Variants in MAX observed in about 807,000 individuals in gnomAD.
MAX encodes the protein protein max.
Under a neutral mutation model 22.3 loss-of-function variants are expected in MAX, and 3 were observed. That is an observed-to-expected ratio of 0.13 (90% CI 0.06 to 0.35). The LOEUF (loss-of-function observed/expected upper bound fraction) is 0.35, where lower values mean the gene tolerates loss of function less well. Among genes scored for constraint, MAX ranks in the 10% least tolerant of loss-of-function variants. MAX has a pLI of 1.00. For synonymous variants in MAX, 72 were observed against 77.7 expected (o/e 0.93, Z 0.39); for missense variants, 119 against 209.4 (o/e 0.57, Z 2.66).
At chr14:65,061,408 C>G in intron 3 of MAX, 1 of 1,524,672 alleles carries the variant, frequency 6.6e-7, no homozygotes, top group Non-Finnish European at 8.8e-7. Flanking sequence ...CTACACAAGC[C>G]TTAGCCTCAG....
At chr14:65,056,654 T>C (rs2062743762) in intron 3 of MAX, among the ~76,000 whole-genome samples, 1 of 152,218 alleles carries the variant, frequency 6.6e-6, no homozygotes, top group Non-Finnish European at 1.5e-5. Context: ...TCATATTCTG[T>C]GCTCATTTTC....
At chr14:65,025,115 A>G (rs567483978) in intron 3 of MAX, among the ~76,000 whole-genome samples, 120 of 151,584 alleles carry the variant, frequency 7.9e-4, no homozygotes, top group African/African-American at 2.8e-3. Context: ...GAGAAGCCCA[A>G]CCTCCAGTTC....
In MAX at chr14:65,054,446, C is replaced by A; in HGVS notation, c.171+39262G>T. 1 of 902,626 alleles carries A rather than the reference C, an allele frequency of 1.1e-6. No individual in the cohort carries two copies. The highest frequency in any genetic ancestry group is 1.7e-6 in the Non-Finnish European group (1 of 596,944). 55.9% of individuals were successfully genotyped at this position (902,626 alleles called of 1,614,324 possible). A position where few individuals can be genotyped will look rare whatever the true frequency, so the allele number is the denominator to read the frequency against. ...AAATAACACTGCTGGGAAAACCATG[C>A]CTCCTCTAGCCACATGGAGGATGGG... On this transcript the variant is annotated intron_variant, in intron 3 of 3. Coordinates refer to the MAX transcript ENST00000341653. This position sits in a 1 kb window ranked among gnomAD's most constrained non-coding sequence, Gnocchi z 4.4.
chr14:65,086,277 G>A (rs1045400821), intron 3 of MAX, among the ~76,000 whole-genome samples: 1 of 152,206 alleles, frequency 6.6e-6, no homozygotes, highest in Non-Finnish European at 1.5e-5. Flanking sequence ...GGTACCAGTA[G>A]AGTAGGGCAC....
intron 3 of MAX, among the ~76,000 whole-genome samples, chr14:65,056,044 G>T (rs2062729132): frequency 6.6e-6 from 1 of 152,012 alleles, no homozygotes; most frequent in Admixed American, 6.5e-5. Flanking sequence ...CATGTATCAT[G>T]CCTGTGGATG....
downstream of MAX, among the ~76,000 whole-genome samples, chr14:65,071,812 G>A (rs1260100376): frequency 1.3e-5 from 2 of 152,208 alleles, no homozygotes; most frequent in Non-Finnish European, 2.9e-5. This position sits in a 1 kb window ranked among gnomAD's most constrained non-coding sequence, Gnocchi z 4.2. Flanking sequence ...GGGTGATAAG[G>A]GTTTGCCAGG....
chr14:65,036,172 C>G (rs138852871), intron 3 of MAX, among the ~76,000 whole-genome samples: 3 of 152,138 alleles, frequency 2.0e-5, no homozygotes, highest in Non-Finnish European at 4.4e-5. Flanking sequence ...CAAGTTATTC[C>G]ACTGCTCTGT....
intron 3 of MAX, among the ~76,000 whole-genome samples, chr14:65,066,862 CAAA>C (rs759184338): frequency 1.1e-5 from 1 of 88,852 alleles, no homozygotes; most frequent in African/African-American, 4.6e-5. Context: ...AATTCCATCT[CAAA>C]AAAAAAAAAA....
chr14:65,057,499 GGTTT>G (rs1238895736), intron 3 of MAX, among the ~76,000 whole-genome samples: 2 of 152,050 alleles, frequency 1.3e-5, no homozygotes, highest in African/African-American at 4.8e-5. Context: ...GTCATTCAGG[GGTTT>G]GTTTTTGGGG....
chr14:65,092,554 G>A (rs1469237931), intron 3 of MAX, among the ~76,000 whole-genome samples: 2 of 152,100 alleles, frequency 1.3e-5, no homozygotes, highest in East Asian at 3.9e-4. Context: ...AAGTACCTTG[G>A]TTTAAGGTCA....
intron 3 of MAX, among the ~76,000 whole-genome samples, chr14:65,017,585 G>A (rs2061801443): frequency 6.6e-6 from 1 of 152,200 alleles, no homozygotes; most frequent in Admixed American, 6.5e-5. Flanking sequence ...TAGGAAGAGA[G>A]GAGCCTTTAA....
chr14:65,027,218 A>C lies in MAX; in HGVS notation c.172-20934T>G, dbSNP rs899931285. Reference sequence around the variant, plus strand: ...TTCCCAGCCTTGTGTTCCCTGCTTCATGACCAACAAGCGCTTAAGTACGAA... The same window carrying C: ...TTCCCAGCCTTGTGTTCCCTGCTTCCTGACCAACAAGCGCTTAAGTACGAA... On this transcript the variant is annotated intron_variant, in intron 3 of 3. Transcript: ENST00000341653. This position sits in a 1 kb window ranked among gnomAD's most constrained non-coding sequence, Gnocchi z 5.7. 1.3e-5 allele frequency among the ~76,000 whole-genome samples: 2 copies of C among 152,208 alleles called. No homozygotes were observed. Among genetic ancestry groups the C allele is most frequent in the Non-Finnish European group, 2.9e-5 (2 of 68,028 alleles).
At chr14:65,037,750 T>C (rs1372064717) in intron 3 of MAX, among the ~76,000 whole-genome samples, 1 of 52,340 alleles carries the variant, frequency 1.9e-5, no homozygotes, top group African/African-American at 1.1e-4. Flanking sequence ...TATTATTTAT[T>C]TATTTATTTA....
At chr14:65,063,675 C>T (rs1419306972) in intron 3 of MAX, among the ~76,000 whole-genome samples, 1 of 152,182 alleles carries the variant, frequency 6.6e-6, no homozygotes, top group Non-Finnish European at 1.5e-5. Context: ...GAAGATCTTC[C>T]TGCCTTAGCC....
intron 3 of MAX, among the ~76,000 whole-genome samples, chr14:65,038,245 C>G (rs2062259932): frequency 6.6e-6 from 1 of 151,266 alleles, no homozygotes; most frequent in Non-Finnish European, 1.5e-5. Flanking sequence ...CCAGCCTCTA[C>G]AAAATATACA....
intron 3 of MAX, among the ~76,000 whole-genome samples, chr14:65,019,654 G>T (rs111978694): frequency 6.6e-5 from 10 of 152,206 alleles, no homozygotes; most frequent in African/African-American, 2.4e-4. Flanking sequence ...CTGCTTCACA[G>T]ATGCCTTAAA....
intron 3 of MAX, among the ~76,000 whole-genome samples, chr14:65,091,437 T>C (rs2063506793): frequency 6.6e-6 from 1 of 152,196 alleles, no homozygotes; most frequent in Non-Finnish European, 1.5e-5. Flanking sequence ...AATTCTCAAA[T>C]TGGGGTTTTG....
At chr14:65,049,354 A>T (rs773203048) in intron 3 of MAX, among the ~76,000 whole-genome samples, 1 of 152,170 alleles carries the variant, frequency 6.6e-6, no homozygotes, top group Non-Finnish European at 1.5e-5. Flanking sequence ...GTGTGGAAAG[A>T]CTTTTGATTT....
Position 65,075,616 on chromosome 14 carries a change from T to C in MAX, c.*860A>G, listed in dbSNP as rs998803876. 8.4e-6 allele frequency: 9 copies of C among 1,066,242 alleles called. No homozygotes were observed. In the East Asian group the frequency reaches 3.5e-4, roughly 41 times the overall value. The allele number at this position is 1,066,242 out of a possible 1,614,324, so 66.0% of individuals were successfully genotyped here. A position where few individuals can be genotyped will look rare whatever the true frequency, so the allele number is the denominator to read the frequency against. ...ATCATCAGAAATAGGTACAATTCAC[T>C]CAGATTCAAATTTAAGTAGCAGGAA... On this transcript the variant is annotated 3_prime_UTR_variant, in exon 5 of 5. Coordinates refer to ENST00000358664, the MANE Select transcript of MAX (RefSeq NM_002382.5). This position sits in a 1 kb window ranked among gnomAD's most constrained non-coding sequence, Gnocchi z 4.1.
Sources: gnomAD v4.1 joint callset for allele counts (sites outside exome capture counted in the v4.1 genomes callset) on GRCh38, gnomAD v4.1.1 for gene constraint, Gnocchi (gnomAD v3.1) non-coding constraint, MANE v1.5 for transcripts, NCBI Gene and HGNC (gene_info 2026-07-23, HGNC 2026-07-21) for gene names.